ASPM: variants seen among roughly 807,000 people sequenced by gnomAD.
ASPM encodes the protein abnormal spindle-like microcephaly-associated protein.
ASPM carries 256 observed loss-of-function variants against 366.4 expected under a neutral mutation model. The observed-to-expected ratio is 0.70, with a 90% CI of 0.63 to 0.77. The LOEUF (loss-of-function observed/expected upper bound fraction) is 0.77. Among genes scored for constraint, ASPM ranks in the 30% least tolerant of loss-of-function variants. The pLI, the probability that ASPM is intolerant of heterozygous loss-of-function variation, is 0.00. For synonymous variants in ASPM, 1,414 were observed against 1,342.9 expected (o/e 1.05, Z -1.16); for missense variants, 4,146 against 4,090.4 (o/e 1.01, Z -0.37).
Position 197,146,128 on chromosome 1 carries a change from T to A in ASPM, c.297+13A>T, listed in dbSNP as rs746347945. 1.2e-6 allele frequency: 2 copies of A among 1,613,908 alleles called. No individual in the cohort carries two copies. The highest frequency in any genetic ancestry group is 2.2e-5 in the South Asian group (2 of 91,076). ...AGAACACCGGCCTGGAGCACGCTCCTCCTGAGACCTACCTGCAACACGAAA... is the reference window on the plus strand; with the variant it reads ...AGAACACCGGCCTGGAGCACGCTCCACCTGAGACCTACCTGCAACACGAAA... On this transcript the variant is annotated intron_variant, in intron 1 of 27. Coordinates refer to ENST00000367409, the MANE Select transcript of ASPM (RefSeq NM_018136.5).
Position 197,132,359 on chromosome 1 carries a change from T to G in ASPM, c.2420-7A>C. On this transcript the variant is annotated splice_polypyrimidine_tract_variant and splice_region_variant and intron_variant, in intron 6 of 27. Coordinates refer to ENST00000367409, the MANE Select transcript of ASPM (RefSeq NM_018136.5). ...AGGACTTTCTGACGTTCTCCTGAAA[T>G]GCATGTCAAAGGCAAATAAGTTCAA... 1 of 1,612,758 alleles carries G rather than the reference T, an allele frequency of 6.2e-7. No individual in the cohort carries two copies. The highest frequency in any genetic ancestry group is 8.5e-7 in the Non-Finnish European group (1 of 1,179,092).
intron 4 of ASPM, 44 bp from the exon 5 acceptor site, chr1:197,135,286 C>T (rs762467817): frequency 6.3e-6 from 10 of 1,585,116 alleles, no homozygotes; most frequent in African/African-American, 4.0e-5. Flanking sequence ...TTTCCTTTAA[C>T]TTATTGTACA....
rs1658008922 is a variant in ASPM at position 197,124,251 on chromosome 1, T to A, written c.3249A>T (p.Ile1083=). ...CATCAGAATGGCATGATAGTAGAGATATTGTTTTCTTTATACTCTTTGTGT... is the reference window on the plus strand; with the variant it reads ...CATCAGAATGGCATGATAGTAGAGAAATTGTTTTCTTTATACTCTTTGTGT... ...LKHTKSIKKT[I]SLLSCHSDDL... is the part of the protein sequence containing the mutation. The change falls in exon 13 of 28, where the codon ATA becomes ATT. Residue 1083 remains isoleucine (I), a synonymous_variant. Transcript: ENST00000367409. 1.2e-6 allele frequency: 2 copies of A among 1,608,490 alleles called. No homozygotes were observed. Among genetic ancestry groups the A allele is most frequent in the African/African-American group, 2.7e-5 (2 of 74,702 alleles).
intron 20 of ASPM, among the ~76,000 whole-genome samples, chr1:197,093,598 G>A (rs1656860349): frequency 1.3e-5 from 2 of 151,820 alleles, no homozygotes; most frequent in East Asian, 1.9e-4. Flanking sequence ...GAAAGAGCAC[G>A]GTGATCATAA....
At position 197,139,804 on chromosome 1, in the gene ASPM, T is replaced by C. The variant is rs774842102; in HGVS notation, c.1989A>G (p.Ala663=). The C allele has an allele frequency of 9.3e-6, 15 of 1,612,154 alleles. No individual in the cohort carries two copies. The Admixed American group carries it at 2.5e-4, about 27-fold the overall frequency. Residue 663 remains alanine, a synonymous_variant, in exon 4 of 28, where the codon GCA becomes GCG. Coordinates refer to ENST00000367409, the MANE Select transcript of ASPM (RefSeq NM_018136.5). ...GTTTTATGAAGGTCAAACTGGACTG[T>C]GCCACAGCGATAATGGGTTTTGTCC... is the stretch of plus-strand genomic sequence containing the variant. The part of the protein sequence containing the change: ...NKRTKPIIAV[A]QSSLTFIKPL...
Position 197,102,678 on chromosome 1 carries a change from A to C in ASPM, c.6573T>G (p.Thr2191=), listed in dbSNP as rs749063253. Residue 2191 remains threonine, a synonymous_variant, in exon 18 of 28, where the codon ACT becomes ACG. Coordinates refer to ENST00000367409, the MANE Select transcript of ASPM (RefSeq NM_018136.5). The part of the protein sequence containing the change: ...RVRRTLRKMQ[T]AATLIQSNYR... Reference sequence around the variant, plus strand: ...AGTTTGACTGAATGAGTGTTGCTGCAGTCTGCATCTTTCTAAGAGTCCGTC... The same window carrying C: ...AGTTTGACTGAATGAGTGTTGCTGCCGTCTGCATCTTTCTAAGAGTCCGTC... 6.2e-7 allele frequency: 1 copy of C among 1,612,608 alleles called. No homozygotes were observed. The highest frequency in any genetic ancestry group is 1.3e-5 in the African/African-American group (1 of 74,800).
intron 17 of ASPM, among the ~76,000 whole-genome samples, chr1:197,109,267 A>G (rs1036018219): frequency 2.6e-5 from 4 of 152,090 alleles, no homozygotes; most frequent in Non-Finnish European, 4.4e-5. Context: ...CTCATTACAC[A>G]GATGCAAAAC....
intron 4 of ASPM, among the ~76,000 whole-genome samples, chr1:197,137,152 G>A (rs561838803): frequency 6.6e-6 from 1 of 152,182 alleles, no homozygotes; most frequent in African/African-American, 2.4e-5. Context: ...AGAAGATAAA[G>A]GTCCCTCAGC....
At chr1:197,088,152 A>T (rs1212607107) in intron 26 of ASPM, 104 bp downstream of exon 26, 19 of 1,296,642 alleles carry the variant, frequency 1.5e-5, no homozygotes, top group African/African-American at 6.0e-5. Context: ...AACACACATA[A>T]AACCCTATTT....
chr1:197,103,571 T>G lies in ASPM; in HGVS notation c.5680A>C (p.Ile1894Leu), dbSNP rs766384759. The G allele has an allele frequency of 6.2e-7, 1 of 1,612,946 alleles. No individual in the cohort carries two copies. Among genetic ancestry groups the G allele is most frequent in the Non-Finnish European group, 8.5e-7 (1 of 1,179,474 alleles). ...AYRGWKVRKQ[I>L]RREHQAALKI... is the part of the protein sequence containing the mutation. ...AAGGCAGCTTGATGTTCCCTTCTAA[T>G]CTGTTTCCGAACCTTCCAGCCACGA... is the stretch of plus-strand genomic sequence containing the variant. Residue 1894 changes from isoleucine (I) to leucine (L), a missense_variant, in exon 18 of 28, where the codon ATT (isoleucine) becomes CTT (leucine). Physicochemically the swap from Ile to Leu is conservative, Grantham distance 5 (BLOSUM62 2). This residue lies in a region of ASPM where 3,624 missense variants were observed against 3,591.7 expected (regional missense o/e 1.01). Transcript: ENST00000367409.
chr1:197,140,280 T>C (rs1571628070), intron 3 of ASPM, among the ~76,000 whole-genome samples: 1 of 152,216 alleles, frequency 6.6e-6, no homozygotes, highest in Non-Finnish European at 1.5e-5. Context: ...AGTTAACTTA[T>C]GAAATTAAAA....
chr1:197,105,257 A>G, intron 17 of ASPM, 72 bp from the exon 18 acceptor site: 1 of 1,160,124 alleles, frequency 8.6e-7, no homozygotes, highest in Non-Finnish European at 1.3e-6. Flanking sequence ...TCAAAATACT[A>G]ATTTTTCTAA....
At chr1:197,111,468 A>C (rs537160239) in intron 17 of ASPM, among the ~76,000 whole-genome samples, 1 of 151,922 alleles carries the variant, frequency 6.6e-6, no homozygotes, top group East Asian at 1.9e-4. Context: ...ACACTTATAT[A>C]CTCCTGGTGG....
intron 3 of ASPM, among the ~76,000 whole-genome samples, chr1:197,141,127 C>T (rs999351114): frequency 3.3e-5 from 5 of 152,058 alleles, no homozygotes; most frequent in African/African-American, 7.2e-5. Flanking sequence ...GCAAAACCCT[C>T]CCTACTGTTT....
At position 197,096,582 on chromosome 1, in the gene ASPM, T is replaced by C. The variant is rs375502978; in HGVS notation, c.8821-418A>G. Among the ~76,000 whole-genome samples the C allele has an allele frequency of 6.6e-5, 10 of 151,900 alleles. No individual in the cohort carries two copies. The East Asian group carries it at 1.7e-3, about 27-fold the overall frequency. ...AATTCTTCCCAATCCATATTCACTT[T>C]GGGTTCTGTGTTCAGCCTGCAGGAG... On this transcript the variant is annotated intron_variant, in intron 18 of 27. Coordinates refer to ENST00000367409, the MANE Select transcript of ASPM (RefSeq NM_018136.5).
rs1305859807 is a variant in ASPM at position 197,100,935 on chromosome 1, T to C, written c.8316A>G (p.Gln2772=). The change falls in exon 18 of 28, where the codon CAA becomes CAG. Residue 2772 remains glutamine, a synonymous_variant. Transcript: ENST00000367409. The part of the protein sequence containing the change: ...SEEKMAAIVN[Q]SALCCYRSKT... ...TACTTCTGTAACAGCAGAGTGCAGATTGGTTAACAATGGCTGCCATCTTTT... is the reference window on the plus strand; with the variant it reads ...TACTTCTGTAACAGCAGAGTGCAGACTGGTTAACAATGGCTGCCATCTTTT... 1.1e-5 allele frequency: 17 copies of C among 1,612,776 alleles called. No individual in the cohort carries two copies. The highest frequency in any genetic ancestry group is 2.2e-5 in the East Asian group (1 of 44,820).
Position 197,138,623 on chromosome 1 carries a change from A to G in ASPM, c.2026+1144T>C, listed in dbSNP as rs548759499. On this transcript the variant is annotated intron_variant, in intron 4 of 27. Coordinates refer to ENST00000367409, the MANE Select transcript of ASPM (RefSeq NM_018136.5). ...AGGAGTTCACACTTTAGTTAGGGAA[A>G]ATATACAATAAGCAAGCCAATTTTT... The G allele has an allele frequency of 4.7e-4, 220 of 464,744 alleles. 1 individual carries two copies. The highest frequency in any genetic ancestry group is 8.2e-4 in the Non-Finnish European group (211 of 257,996). The allele number at this position is 464,744 out of a possible 1,614,324, so 28.8% of individuals were successfully genotyped here. A position where few individuals can be genotyped will look rare whatever the true frequency, so the allele number is the denominator to read the frequency against.
intron 10 of ASPM, among the ~76,000 whole-genome samples, chr1:197,126,086 G>A (rs1571617547): frequency 1.3e-5 from 2 of 152,184 alleles, no homozygotes; most frequent in African/African-American, 2.4e-5. Flanking sequence ...ATTCCTAACC[G>A]ACTAAATAAC....
chr1:197,119,826 C>T (rs1353107185), intron 16 of ASPM, among the ~76,000 whole-genome samples: 1 of 152,000 alleles, frequency 6.6e-6, no homozygotes, highest in Non-Finnish European at 1.5e-5. Flanking sequence ...AGCTACTTGA[C>T]AAAGTTTCTT....
Sources: gnomAD v4.1 joint callset for allele counts (sites outside exome capture counted in the v4.1 genomes callset) on GRCh38, gnomAD v4.1.1 for gene constraint, gnomAD v4.1.1 regional missense constraint, MANE v1.5 for transcripts, NCBI Gene and HGNC (gene_info 2026-07-23, HGNC 2026-07-21) for gene names.